The following CCDC102B variants were observed in gnomAD, a reference collection of about 807,000 sequenced individuals.
The protein encoded by CCDC102B is coiled-coil domain containing 102B, also known as coiled-coil domain-containing protein 102B.
Under a neutral mutation model 57.4 loss-of-function variants are expected in CCDC102B, and 75 were observed. The observed-to-expected ratio is 1.31, with a 90% CI of 1.08 to 1.58. CCDC102B has a LOEUF of 1.58. Ranked by LOEUF, CCDC102B falls within the 40% of genes most tolerant of loss-of-function variation. CCDC102B has a pLI of 0.00. For missense variants in CCDC102B, 636 were observed against 582.6 expected, an observed-to-expected ratio of 1.09 and a Z score of -0.94; for synonymous variants, 206 against 201.9, an observed-to-expected ratio of 1.02 and a Z score of -0.17.
intron 2 of CCDC102B, among the ~76,000 whole-genome samples, chr18:68,760,171 T>C (rs539698794): frequency 1.3e-5 from 2 of 152,250 alleles, no homozygotes; most frequent in East Asian, 3.9e-4. Context: ...AGTTTGGTTT[T>C]AAACTGTTTA....
chr18:68,974,657 A>G (rs2050386871), intron 6 of CCDC102B, among the ~76,000 whole-genome samples: 1 of 152,006 alleles, frequency 6.6e-6, no homozygotes, highest in Admixed American at 6.6e-5. Flanking sequence ...ATGAGGTTAT[A>G]CATATAAATA....
chr18:68,731,289 AT>A (rs2032850817), intron 2 of CCDC102B, among the ~76,000 whole-genome samples: 2 of 152,072 alleles, frequency 1.3e-5, no homozygotes, highest in East Asian at 3.9e-4. Flanking sequence ...GATTTAATGT[AT>A]TTGAGTTAAC....
chr18:68,836,903 A>C lies in CCDC102B; in HGVS notation c.140A>C (p.His47Pro), dbSNP rs773402816. The C allele has an allele frequency of 2.5e-6, 4 of 1,614,064 alleles. No individual in the cohort carries two copies. In the Admixed American group the frequency reaches 6.7e-5, roughly 27 times the overall value. ...ACCTGTAATACCTGCTTCCCACTTC[A>C]TGGGCTACAATCTCATGCTGCTCAC... ...RDTCNTCFPL[H>P]GLQSHAAHNF... Residue 47 changes from histidine (H) to proline (P), a missense_variant, in exon 2 of 8, where the codon CAT becomes CCT. His to Pro is a moderately conservative substitution (Grantham distance 77). Coordinates refer to ENST00000360242, the MANE Select transcript of CCDC102B (RefSeq NM_024781.3).
At chr18:68,907,849 C>T (rs1406488420) in intron 6 of CCDC102B, among the ~76,000 whole-genome samples, 4 of 152,114 alleles carry the variant, frequency 2.6e-5, no homozygotes, top group Non-Finnish European at 5.9e-5. Context: ...GAAGGAGGCA[C>T]GCTTGTATTG....
chr18:68,961,397 G>A lies in CCDC102B; in HGVS notation c.1264-49537G>A, dbSNP rs2145229787. Among the ~76,000 whole-genome samples the A allele has an allele frequency of 2.0e-5, 3 of 151,912 alleles. No individual in the cohort carries two copies. In the South Asian group the frequency reaches 6.3e-4, roughly 32 times the overall value. ...ATATTTTCAATCAAAACTAGATATA[G>A]GATTATGACAAAAATTTTTAACTTA... On this transcript the variant is annotated intron_variant, in intron 6 of 7. Transcript: ENST00000360242.
At chr18:68,787,567 A>G (rs369958014) in intron 2 of CCDC102B, among the ~76,000 whole-genome samples, 76 of 151,302 alleles carry the variant, frequency 5.0e-4, no homozygotes, top group African/African-American at 9.5e-4. Flanking sequence ...GAGAGTGTAT[A>G]TGTCGAGGAA....
intron 6 of CCDC102B, among the ~76,000 whole-genome samples, chr18:68,957,112 G>A (rs1036555485): frequency 2.6e-5 from 4 of 151,554 alleles, no homozygotes; most frequent in African/African-American, 7.3e-5. Context: ...TTCCTTTACC[G>A]TGCAGAAGTT....
intron 6 of CCDC102B, among the ~76,000 whole-genome samples, chr18:68,992,167 C>G (rs1323338238): frequency 6.6e-6 from 1 of 152,028 alleles, no homozygotes; most frequent in African/African-American, 2.4e-5. Flanking sequence ...TTTAAGTAAT[C>G]TAAACAATTG....
Position 68,941,264 on chromosome 18 carries a change from TA to T in CCDC102B, c.1263+43846del, listed in dbSNP as rs35250665. 5.9e-3 allele frequency among the ~76,000 whole-genome samples: 887 copies of T among 149,792 alleles called. 7 individuals are homozygous for T. Among genetic ancestry groups the T allele is most frequent in the African/African-American group, 0.019 (791 of 40,606 alleles). On this transcript the variant is annotated intron_variant, in intron 6 of 7. Coordinates refer to ENST00000360242, the MANE Select transcript of CCDC102B (RefSeq NM_024781.3). Reference sequence around the variant, plus strand: ...TTTATAACTATGGTGAGCACAAAAATAAAAAAAAAACCCATGTATTTTAGTC... The same window carrying T: ...TTTATAACTATGGTGAGCACAAAAATAAAAAAAAACCCATGTATTTTAGTC...
chr18:68,751,201 T>A (rs1016747402), intron 2 of CCDC102B, among the ~76,000 whole-genome samples: 7 of 152,198 alleles, frequency 4.6e-5, no homozygotes, highest in Admixed American at 1.3e-4. Flanking sequence ...CTGGATTAGT[T>A]AATACTGAAC....
At chr18:68,948,900 G>C (rs2049615108) in intron 6 of CCDC102B, among the ~76,000 whole-genome samples, 1 of 152,014 alleles carries the variant, frequency 6.6e-6, no homozygotes, top group Non-Finnish European at 1.5e-5. Flanking sequence ...TATATATATA[G>C]GAGTTTATTA....
At chr18:68,819,120 T>G (rs1304815023) in intron 1 of CCDC102B, among the ~76,000 whole-genome samples, 1 of 152,172 alleles carries the variant, frequency 6.6e-6, no homozygotes, top group Admixed American at 6.5e-5. Flanking sequence ...AATAAAATAC[T>G]TTTTATAAAT....
chr18:69,051,900 A>G (rs994671900), intron 7 of CCDC102B, among the ~76,000 whole-genome samples: 2 of 151,570 alleles, frequency 1.3e-5, no homozygotes, highest in African/African-American at 4.9e-5. Context: ...GATCAAGAAC[A>G]TAAATGACAA....
At chr18:69,001,739 C>T (rs1293056406) in intron 6 of CCDC102B, among the ~76,000 whole-genome samples, 3 of 152,114 alleles carry the variant, frequency 2.0e-5, no homozygotes, top group South Asian at 4.1e-4. Context: ...ATTGTTACAC[C>T]GCTGATTACC....
At chr18:68,809,049 G>C (rs1355685715) in intron 1 of CCDC102B, among the ~76,000 whole-genome samples, 2 of 152,088 alleles carry the variant, frequency 1.3e-5, no homozygotes, top group South Asian at 2.1e-4. Flanking sequence ...TATGAAACTT[G>C]GGAAGTTTCA....
intron 1 of CCDC102B, among the ~76,000 whole-genome samples, chr18:68,808,538 C>A (rs961842224): frequency 7.4e-6 from 1 of 134,328 alleles, no homozygotes; most frequent in Non-Finnish European, 1.5e-5. Context: ...ACTGCAGTGG[C>A]GCTATCTCCG....
At chr18:68,964,196 C>G (rs2050114928) in intron 6 of CCDC102B, among the ~76,000 whole-genome samples, 1 of 151,864 alleles carries the variant, frequency 6.6e-6, no homozygotes, top group Admixed American at 6.6e-5. Flanking sequence ...TTATCGTTTG[C>G]AGTACATTCT....
chr18:68,715,602 T>G (rs1175736833), intron 1 of CCDC102B: 1 of 152,250 alleles, frequency 6.6e-6, no homozygotes, highest in African/African-American at 2.4e-5. Flanking sequence ...TTTAATGCAT[T>G]TTTGCCAAAG....
At chr18:69,055,749 C>T (rs929909559), downstream of CCDC102B, among the ~76,000 whole-genome samples, 2 of 152,052 alleles carry the variant, frequency 1.3e-5, no homozygotes, top group African/African-American at 2.4e-5. Context: ...TGCCACCATC[C>T]CTCAACATTA....
Sources: gnomAD v4.1 joint callset for allele counts (sites outside exome capture counted in the v4.1 genomes callset) on GRCh38, gnomAD v4.1.1 for gene constraint, MANE v1.5 for transcripts, NCBI Gene and HGNC (gene_info 2026-07-23, HGNC 2026-07-21) for gene names.